The following MRE11 variants were observed in gnomAD, a reference collection of about 807,000 sequenced individuals.
The protein encoded by MRE11 is double-strand break repair protein MRE11.
A neutral mutation model predicts 91.7 loss-of-function variants in MRE11; 62 were observed. The observed-to-expected ratio is 0.68, with a 90% CI of 0.55 to 0.84. MRE11 has a LOEUF of 0.84. MRE11 is among the 40% of genes least tolerant of loss of function. The pLI, the probability that MRE11 is intolerant of heterozygous loss-of-function variation, is 0.00. For missense variants in MRE11, 796 were observed against 852.9 expected (o/e 0.93, Z 0.83); for synonymous variants, 273 against 271.4 (o/e 1.01, Z -0.06).
intron 4 of MRE11, among the ~76,000 whole-genome samples, chr11:94,481,258 G>A (rs968414858): frequency 2.0e-5 from 3 of 152,004 alleles, no homozygotes; most frequent in Non-Finnish European, 4.4e-5. Flanking sequence ...GCAGTAAGCC[G>A]AGATCGCGCC....
At chr11:94,509,962 A>G in the MRE11 span, among the ~76,000 whole-genome samples, 1 of 152,124 alleles carries the variant, frequency 6.6e-6, no homozygotes, top group Non-Finnish European at 1.5e-5. Flanking sequence ...GATCTTCTTG[A>G]GAGATATTGA....
intron 16 of MRE11, among the ~76,000 whole-genome samples, chr11:94,442,449 C>T (rs1945806393): frequency 1.3e-5 from 2 of 151,840 alleles, no homozygotes; most frequent in African/African-American, 4.8e-5. Context: ...CAAGCCAGGA[C>T]ACTGGATTCC....
chr11:94,461,903 G>T (rs1023268153), intron 11 of MRE11, among the ~76,000 whole-genome samples: 3 of 152,002 alleles, frequency 2.0e-5, no homozygotes, highest in Non-Finnish European at 4.4e-5. Context: ...GTGAAACCCC[G>T]TCTCTACTAA....
In MRE11 at chr11:94,492,786, C is replaced by G. The variant is rs1060501784; in HGVS notation, c.16G>C (p.Ala6Pro). 6.2e-7 allele frequency: 1 copy of G among 1,613,932 alleles called. No homozygotes were observed. Among genetic ancestry groups the G allele is most frequent in the South Asian group, 1.1e-5 (1 of 91,070 alleles). The part of the protein sequence containing the change: MSTAD[A>P]LDDENTFKIL... ...TTCCAGAAGTCAGGTGCTTACAGTG[C>G]ATCTGCAGTACTCATTTTTATGGTC... Residue 6 changes from alanine to proline, a missense_variant, in exon 2 of 20, where the codon GCA (alanine) becomes CCA (proline). Physicochemically the swap from Ala to Pro is conservative, Grantham distance 27. Transcript: ENST00000323929.
intron 10 of MRE11, 65 bp from the exon 11 acceptor site, chr11:94,464,304 C>T (rs1215474246): frequency 3.1e-6 from 5 of 1,597,082 alleles, no homozygotes; most frequent in Admixed American, 1.7e-5. Flanking sequence ...AAAACACACA[C>T]TAATCCTTCA....
chr11:94,437,264 A>G (rs369519288), intron 16 of MRE11, 29 bp from the exon 17 acceptor site: 2 of 1,603,226 alleles, frequency 1.2e-6, no homozygotes, highest in Non-Finnish European at 8.5e-7. Context: ...AATGTGCATT[A>G]TGTTATTCTT....
At chr11:94,451,523 C>A (rs1275883380) in intron 14 of MRE11, among the ~76,000 whole-genome samples, 1 of 151,892 alleles carries the variant, frequency 6.6e-6, no homozygotes. Context: ...GAACTGCGTG[C>A]ACAAAAAGAA....
At chr11:94,479,782 T>A in intron 4 of MRE11, 21 bp from the exon 5 acceptor site, 1 of 1,585,686 alleles carries the variant, frequency 6.3e-7, no homozygotes, top group Non-Finnish European at 8.6e-7. Flanking sequence ...AAAAGTTACT[T>A]AAAATTTCCA....
In MRE11 at chr11:94,418,380, A is replaced by AT; in HGVS notation, c.*1744_*1745insA. Reference sequence around the variant, plus strand: ...AGTACCTCTTTTCACAGCCAAGAGCAATTTTTTTTTTTTTAAGGAAAAAAA... The same window carrying AT: ...AGTACCTCTTTTCACAGCCAAGAGCATATTTTTTTTTTTTTAAGGAAAAAAA... On this transcript the variant is annotated 3_prime_UTR_variant, in exon 20 of 20. Transcript: ENST00000323929. 4.4e-6 allele frequency: 1 copy of AT among 227,022 alleles called. No individual in the cohort carries two copies. Among genetic ancestry groups the AT allele is most frequent in the Non-Finnish European group, 8.8e-6 (1 of 114,146 alleles). 14.1% of individuals were successfully genotyped at this position (227,022 alleles called of 1,614,324 possible).
chr11:94,426,342 C>G (rs1945313856), intron 19 of MRE11, among the ~76,000 whole-genome samples: 1 of 151,046 alleles, frequency 6.6e-6, no homozygotes, highest in East Asian at 1.9e-4. Flanking sequence ...AGAATCACAA[C>G]TTACAAAATC....
chr11:94,428,778 G>A (rs899887502), intron 19 of MRE11, among the ~76,000 whole-genome samples: 4 of 151,956 alleles, frequency 2.6e-5, no homozygotes, highest in African/African-American at 4.8e-5. Context: ...CAGGAGAATC[G>A]CTTGAACCCG....
intron 6 of MRE11, 44 bp from the exon 7 acceptor site, chr11:94,476,447 G>T (rs13447621): frequency 2.2e-6 from 3 of 1,334,428 alleles, no homozygotes; most frequent in South Asian, 1.2e-5. Context: ...TTCTTACTTC[G>T]GCTTAAAAAA....
rs1351352117 is a variant in MRE11 at position 94,419,839 on chromosome 11, C to T, written c.*286G>A. The T allele has an allele frequency of 3.7e-6, 1 of 267,450 alleles. No homozygotes were observed. The highest frequency in any genetic ancestry group is 7.1e-6 in the Non-Finnish European group (1 of 139,914). 16.6% of individuals were successfully genotyped at this position (267,450 alleles called of 1,614,324 possible). On this transcript the variant is annotated 3_prime_UTR_variant, in exon 20 of 20. Transcript: ENST00000323929. ...TTCCCTCAACTTTGGCTAAATGTAA[C>T]CATATTAAAATACTGACATAGTTTT...
intron 19 of MRE11, among the ~76,000 whole-genome samples, chr11:94,422,405 C>T (rs1434500319): frequency 2.0e-5 from 3 of 152,020 alleles, no homozygotes; most frequent in African/African-American, 7.2e-5. Flanking sequence ...GAAATCACCA[C>T]CATGCGCCAC....
the MRE11 span, among the ~76,000 whole-genome samples, chr11:94,506,085 C>T: frequency 4.8e-3 from 735 of 152,216 alleles, 6 homozygotes; most frequent in African/African-American, 0.017. Context: ...TCTCAAAACA[C>T]ACTCCCACCA....
chr11:94,418,420 T>G lies in MRE11; in HGVS notation c.*1705A>C, dbSNP rs1390035109. ...AAGGAAAAAAACTTTATTCCTTTTT[T>G]CCTAGGAACTTGTCAGGATACTTTA... On this transcript the variant is annotated 3_prime_UTR_variant, in exon 20 of 20. Coordinates refer to ENST00000323929, the MANE Select transcript of MRE11 (RefSeq NM_005591.4). 8.6e-6 allele frequency: 2 copies of G among 232,358 alleles called. No homozygotes were observed. The highest frequency in any genetic ancestry group is 5.6e-5 in the Admixed American group (1 of 17,754). 14.4% of individuals were successfully genotyped at this position (232,358 alleles called of 1,614,324 possible).
intron 11 of MRE11, among the ~76,000 whole-genome samples, chr11:94,462,397 A>G (rs928989430): frequency 2.0e-5 from 3 of 152,148 alleles, no homozygotes; most frequent in Non-Finnish European, 2.9e-5. Context: ...CAAGCTACCA[A>G]TGACTTTCTT....
intron 6 of MRE11, among the ~76,000 whole-genome samples, chr11:94,477,129 T>C (rs1394452790): frequency 2.0e-5 from 3 of 152,252 alleles, no homozygotes; most frequent in Non-Finnish European, 4.4e-5. Context: ...GTGAGTTTTC[T>C]ATGGTAAAAT....
chr11:94,444,348 T>G (rs992159533), intron 16 of MRE11, among the ~76,000 whole-genome samples: 2 of 152,236 alleles, frequency 1.3e-5, no homozygotes, highest in Non-Finnish European at 2.9e-5. Context: ...ACTTCCTTGC[T>G]GTGCAAGCTT....
Sources: gnomAD v4.1 joint callset for allele counts (sites outside exome capture counted in the v4.1 genomes callset) on GRCh38, gnomAD v4.1.1 for gene constraint, MANE v1.5 for transcripts, NCBI Gene and HGNC (gene_info 2026-07-23, HGNC 2026-07-21) for gene names.